Variants in ANK2 observed in about 807,000 individuals in gnomAD.
ANK2 encodes the protein ankyrin 2, also known as ankyrin-2.
ANK2 carries 83 observed loss-of-function variants against 360.5 expected under a neutral mutation model. The ratio of observed to expected loss-of-function variants is 0.23; its 90% CI spans 0.19 to 0.28. The LOEUF (loss-of-function observed/expected upper bound fraction) is 0.28, where lower values mean the gene tolerates loss of function less well. Among genes scored for constraint, ANK2 ranks in the 10% least tolerant of loss-of-function variants. The probability of loss-of-function intolerance (pLI) is 1.00; values close to 1 mark genes in which losing one functional copy is unlikely to be tolerated. For missense variants in ANK2, 4,201 were observed against 4,795.7 expected, an observed-to-expected ratio of 0.88 and a Z score of 3.66; for synonymous variants, 1,740 against 1,759.5, an observed-to-expected ratio of 0.99 and a Z score of 0.28.
chr4:113,372,569 T>C (rs905228929), intron 43 of ANK2: 2 of 1,535,806 alleles, frequency 1.3e-6, no homozygotes, highest in African/African-American at 2.7e-5. Flanking sequence ...GGAGGCCAGC[T>C]CAGATGAGGA....
chr4:113,341,586 A>T, intron 32 of ANK2, 102 bp from the exon 33 acceptor site: 1 of 1,230,988 alleles, frequency 8.1e-7, no homozygotes. Flanking sequence ...CTTTTTTCCA[A>T]GAAGCATTTG....
intron 2 of ANK2, among the ~76,000 whole-genome samples, chr4:113,021,899 G>T (rs1315348739): frequency 6.6e-6 from 1 of 152,110 alleles, no homozygotes; most frequent in African/African-American, 2.4e-5. Flanking sequence ...TGCTTAAAGA[G>T]CATAACCTTC....
At chr4:113,129,708 A>G (rs1179101396) in intron 1 of ANK2, among the ~76,000 whole-genome samples, 3 of 152,196 alleles carry the variant, frequency 2.0e-5, no homozygotes, top group Non-Finnish European at 4.4e-5. Context: ...TTTATTAACC[A>G]TATGTCTGCA....
At chr4:112,796,549 C>T in the ANK2 span, among the ~76,000 whole-genome samples, 1 of 151,570 alleles carries the variant, frequency 6.6e-6, no homozygotes, top group South Asian at 2.1e-4. Flanking sequence ...GGGTTCTCAC[C>T]ATGTTGTTCA....
At position 113,359,264 on chromosome 4, in the gene ANK2, G is replaced by T. The variant is rs768351547; in HGVS notation, c.10646G>T (p.Arg3549Leu). 1.9e-6 allele frequency: 3 copies of T among 1,613,774 alleles called. No homozygotes were observed. The highest frequency in any genetic ancestry group is 3.3e-5 in the Admixed American group (2 of 59,986). ...GAGTCTATTGAGACTCTGATTGAAC[G>T]CATCCCTGATGAAAATGGCCATGAC... ...WDESIETLIERIPDENGHDHA... is the reference protein window; with the variant it reads ...WDESIETLIELIPDENGHDHA... Residue 3549 changes from arginine to leucine, a missense_variant, in exon 38 of 46, where the codon CGC (arginine) becomes CTC (leucine). Arg to Leu is a moderately radical substitution (Grantham distance 102). Coordinates refer to ENST00000357077, the MANE Select transcript of ANK2 (RefSeq NM_001148.6).
chr4:113,358,228 A>G lies in ANK2; in HGVS notation c.9610A>G (p.Met3204Val), dbSNP rs2095933691. ...PASDAQLNSQ[M>V]GISASTETPT... The stretch of plus-strand genomic sequence containing the variant: ...TTCGGATGCTCAACTTAACTCCCAA[A>G]TGGGGATTTCAGCCTCCACTGAAAC... Residue 3204 changes from methionine (M) to valine (V), a missense_variant, in exon 38 of 46, where the codon ATG (methionine) becomes GTG (valine). This residue lies in a region of ANK2 where 2,642 missense variants were observed against 2,714.5 expected (regional missense o/e 0.97). Coordinates refer to ENST00000357077, the MANE Select transcript of ANK2 (RefSeq NM_001148.6). The G allele has an allele frequency of 3.1e-6, 5 of 1,613,974 alleles. No individual in the cohort carries two copies. The South Asian group carries it at 3.3e-5, about 11-fold the overall frequency.
At chr4:112,794,339 C>A in the ANK2 span, among the ~76,000 whole-genome samples, 1 of 152,106 alleles carries the variant, frequency 6.6e-6, no homozygotes, top group Non-Finnish European at 1.5e-5. Flanking sequence ...ATAGACAAGT[C>A]TTCTTGCTTG....
intron 2 of ANK2, among the ~76,000 whole-genome samples, chr4:113,006,711 G>T (rs1445891472): frequency 6.6e-6 from 1 of 152,146 alleles, no homozygotes; most frequent in Non-Finnish European, 1.5e-5. Flanking sequence ...AATGTACTTA[G>T]AAATATCAAT....
At chr4:113,160,064 G>A (rs993663252) in intron 1 of ANK2, among the ~76,000 whole-genome samples, 2 of 151,978 alleles carry the variant, frequency 1.3e-5, no homozygotes, top group Non-Finnish European at 2.9e-5. Flanking sequence ...AGAGAATGTC[G>A]AGCTGCAGAG....
intron 18 of ANK2, among the ~76,000 whole-genome samples, chr4:113,286,381 G>T (rs779023514): frequency 2.0e-4 from 30 of 152,174 alleles, no homozygotes; most frequent in Non-Finnish European, 7.4e-5. Context: ...GAGCTCTCAG[G>T]ATTAAAAAGC....
intron 2 of ANK2, among the ~76,000 whole-genome samples, chr4:112,982,219 A>G (rs959752795): frequency 1.3e-5 from 2 of 152,184 alleles, no homozygotes; most frequent in African/African-American, 4.8e-5. Context: ...ATTTTATTTT[A>G]CTTTATTTTT....
chr4:113,301,618 ACATCTC>A (rs1295888596), intron 22 of ANK2, among the ~76,000 whole-genome samples: 1 of 152,094 alleles, frequency 6.6e-6, no homozygotes, highest in Non-Finnish European at 1.5e-5. Context: ...CTTTTAACCA[ACATCTC>A]CCAAATGCTC....
chr4:113,336,577 G>A lies in ANK2; in HGVS notation c.3592G>A (p.Ala1198Thr), dbSNP rs201424485. ...LTKRIRVGLQ[A>T]QPMHSELVKK... ...ATGTGTGTGTTTTTACTTTGAAAAG[G>A]CTCAACCTATGCACAGTGAGCTGGT... Residue 1198 changes from alanine (A) to threonine (T), a missense_variant and splice_region_variant, in exon 31 of 46, where the codon GCT becomes ACT. Coordinates refer to ENST00000357077, the MANE Select transcript of ANK2 (RefSeq NM_001148.6). 1.2e-6 allele frequency: 2 copies of A among 1,613,584 alleles called. No homozygotes were observed. Among genetic ancestry groups the A allele is most frequent in the East Asian group, 2.2e-5 (1 of 44,834 alleles).
At chr4:112,981,927 G>A (rs1361435418) in intron 2 of ANK2, among the ~76,000 whole-genome samples, 1 of 152,030 alleles carries the variant, frequency 6.6e-6, no homozygotes, top group Non-Finnish European at 1.5e-5. Context: ...TGGGTGTGGG[G>A]GTATGAAGGG....
intron 1 of ANK2, among the ~76,000 whole-genome samples, chr4:112,860,272 GC>G (rs2067566846): frequency 6.6e-6 from 1 of 152,040 alleles, no homozygotes; most frequent in South Asian, 2.1e-4. Flanking sequence ...TGTCGCCCAG[GC>G]TGGAGTGCAG....
intron 26 of ANK2, among the ~76,000 whole-genome samples, chr4:113,319,421 T>C (rs1405593274): frequency 6.6e-6 from 1 of 151,260 alleles, no homozygotes; most frequent in Non-Finnish European, 1.5e-5. Flanking sequence ...TTTTATTTAA[T>C]TATTTTTAAA....
At chr4:113,062,308 T>C (rs1275323492) in intron 1 of ANK2, among the ~76,000 whole-genome samples, 3 of 152,114 alleles carry the variant, frequency 2.0e-5, no homozygotes, top group Non-Finnish European at 4.4e-5. Context: ...ATCTATAATT[T>C]AAGTATCATG....
intron 1 of ANK2, among the ~76,000 whole-genome samples, chr4:113,154,701 T>C (rs150070227): frequency 0.037 from 5,644 of 152,338 alleles, 178 homozygotes; most frequent in Non-Finnish European, 0.054. Flanking sequence ...TAAGTCTACA[T>C]GTTCTTTATT....
At chr4:112,775,496 G>A in the ANK2 span, among the ~76,000 whole-genome samples, 1 of 65,616 alleles carries the variant, frequency 1.5e-5, no homozygotes, top group African/African-American at 4.6e-5. Context: ...TCCAGCCTGG[G>A]TGACAGAGCT....
Sources: gnomAD v4.1 joint callset for allele counts (sites outside exome capture counted in the v4.1 genomes callset) on GRCh38, gnomAD v4.1.1 for gene constraint, gnomAD v4.1.1 regional missense constraint, MANE v1.5 for transcripts, NCBI Gene and HGNC (gene_info 2026-07-23, HGNC 2026-07-21) for gene names.